FSTL4: variants seen among roughly 807,000 people sequenced by gnomAD.
FSTL4 encodes follistatin like 4, also known as follistatin-related protein 4.
Under a neutral mutation model 78.2 loss-of-function variants are expected in FSTL4, and 28 were observed. That is an observed-to-expected ratio of 0.36 (90% CI 0.27 to 0.49). The LOEUF (loss-of-function observed/expected upper bound fraction) is 0.49. FSTL4 is among the 20% of genes least tolerant of loss of function. FSTL4 has a pLI of 0.98. For missense variants in FSTL4, 922 were observed against 1,084.9 expected, an observed-to-expected ratio of 0.85 and a Z score of 2.11; for synonymous variants, 422 against 440.5, an observed-to-expected ratio of 0.96 and a Z score of 0.53.
At chr5:133,797,000 CA>C in the FSTL4 span, among the ~76,000 whole-genome samples, 1 of 152,164 alleles carries the variant, frequency 6.6e-6, no homozygotes. Flanking sequence ...CAGGAATCCT[CA>C]GTCCCCTTTA....
At chr5:133,763,508 G>T in the FSTL4 span, among the ~76,000 whole-genome samples, 28 of 152,210 alleles carry the variant, frequency 1.8e-4, no homozygotes, top group African/African-American at 6.5e-4. Flanking sequence ...GCCCCTCTGA[G>T]CCTCCTCCAT....
the FSTL4 span, among the ~76,000 whole-genome samples, chr5:133,711,308 G>A: frequency 6.6e-6 from 1 of 152,184 alleles, no homozygotes; most frequent in Non-Finnish European, 1.5e-5. Flanking sequence ...GAGGCTAGAT[G>A]GAAACCCAGC....
intron 3 of FSTL4, among the ~76,000 whole-genome samples, chr5:133,518,030 C>A (rs1189553777): frequency 6.6e-6 from 1 of 152,152 alleles, no homozygotes; most frequent in Non-Finnish European, 1.5e-5. Flanking sequence ...AATGTCTGAC[C>A]AAATATTTAG....
intron 4 of FSTL4, among the ~76,000 whole-genome samples, chr5:133,317,307 C>T (rs977100243): frequency 2.0e-5 from 3 of 152,232 alleles, no homozygotes; most frequent in African/African-American, 4.8e-5. Flanking sequence ...GGAAGTAAAG[C>T]CTGGGATGCA....
At chr5:133,232,722 C>A (rs903116228) in intron 8 of FSTL4, among the ~76,000 whole-genome samples, 2 of 152,182 alleles carry the variant, frequency 1.3e-5, no homozygotes, top group African/African-American at 4.8e-5. Flanking sequence ...TTTAGCAAAT[C>A]ATCCATGAAC....
chr5:133,692,842 C>T, the FSTL4 span, among the ~76,000 whole-genome samples: 1 of 152,218 alleles, frequency 6.6e-6, no homozygotes, highest in African/African-American at 2.4e-5. Context: ...CCAAATATCA[C>T]TTCCTCAGGG....
At chr5:133,676,207 T>C in the FSTL4 span, among the ~76,000 whole-genome samples, 1 of 152,228 alleles carries the variant, frequency 6.6e-6, no homozygotes. Context: ...TTAAGAATTT[T>C]TAAAAAGAAG....
rs146324470 is a variant in FSTL4, at chr5:133,316,535, C to T, written c.527G>A (p.Arg176His). Residue 176 changes from arginine (R) to histidine (H), a missense_variant, in exon 5 of 16, where the codon CGC becomes CAC. Arg to His is a conservative substitution (Grantham distance 29). Coordinates refer to ENST00000265342, the MANE Select transcript of FSTL4 (RefSeq NM_015082.2). ...DSRQDPASQK[R>H]LLVESLFRDL... is the part of the protein sequence containing the mutation. ...CCTGAACAGAGATTCCACCAGGAGG[C>T]GCTTCTGGGAGGCAGGGTCTTGTCT... The T allele has an allele frequency of 4.8e-5, 78 of 1,613,910 alleles. No homozygotes were observed. Among genetic ancestry groups the T allele is most frequent in the Non-Finnish European group, 6.0e-5 (71 of 1,179,920 alleles).
intron 4 of FSTL4, among the ~76,000 whole-genome samples, chr5:133,389,110 A>G (rs1755776966): frequency 6.6e-6 from 1 of 152,090 alleles, no homozygotes; most frequent in African/African-American, 2.4e-5. Context: ...TTGCATTGGG[A>G]GTAGAACACA....
chr5:133,583,160 C>T (rs1159389195), intron 2 of FSTL4: 1 of 432,868 alleles, frequency 2.3e-6, no homozygotes. Context: ...AGTCAGCAAA[C>T]ACCAGCACAT....
At chr5:133,442,003 G>C (rs778336372) in intron 3 of FSTL4, among the ~76,000 whole-genome samples, 16 of 152,206 alleles carry the variant, frequency 1.1e-4, no homozygotes, top group Non-Finnish European at 1.9e-4. Context: ...GGCTGGTAGG[G>C]ACAGCCCCTG....
In FSTL4 at chr5:133,516,910, T is replaced by C. The variant is rs187708412; in HGVS notation, c.160+50276A>G. Among the ~76,000 whole-genome samples the C allele has an allele frequency of 1.6e-4, 24 of 152,236 alleles. No individual in the cohort carries two copies. The East Asian group carries it at 4.6e-3, about 29-fold the overall frequency. On this transcript the variant is annotated intron_variant, in intron 3 of 15. Transcript: ENST00000265342. Reference sequence around the variant, plus strand: ...AACAATTAGTTAACCACATGGAAGATAATTAAATCAAATCTCTGCCTCTCT... The same window carrying C: ...AACAATTAGTTAACCACATGGAAGACAATTAAATCAAATCTCTGCCTCTCT...
the FSTL4 span, among the ~76,000 whole-genome samples, chr5:133,700,347 C>A: frequency 1.3e-5 from 2 of 151,414 alleles, no homozygotes; most frequent in Non-Finnish European, 2.9e-5. Context: ...CCACACCAAA[C>A]CATCACACCA....
upstream of FSTL4, among the ~76,000 whole-genome samples, chr5:133,616,346 T>TATCTATCTATCTATC (rs1485747614): frequency 2.0e-5 from 3 of 151,820 alleles, no homozygotes; most frequent in African/African-American, 7.3e-5. Context: ...TCTATCTATC[T>TATCTATCTATCTATC]ATCTATCTAA....
chr5:133,563,942 A>G (rs1214517046), intron 3 of FSTL4, among the ~76,000 whole-genome samples: 1 of 152,178 alleles, frequency 6.6e-6, no homozygotes, highest in African/African-American at 2.4e-5. Context: ...ACCATAATAA[A>G]CCACAAACTA....
the FSTL4 span, among the ~76,000 whole-genome samples, chr5:133,627,673 ATG>A: frequency 6.6e-6 from 1 of 152,210 alleles, no homozygotes; most frequent in Admixed American, 6.5e-5. Flanking sequence ...TAGCAGGATT[ATG>A]TTTTTTAATC....
At chr5:133,747,814 G>C in the FSTL4 span, among the ~76,000 whole-genome samples, 2 of 152,180 alleles carry the variant, frequency 1.3e-5, no homozygotes, top group African/African-American at 4.8e-5. Context: ...GAGTGGGGCT[G>C]GTGTTGGACT....
At chr5:133,677,309 G>A in the FSTL4 span, among the ~76,000 whole-genome samples, 2 of 152,202 alleles carry the variant, frequency 1.3e-5, no homozygotes, top group Non-Finnish European at 2.9e-5. Flanking sequence ...AGGTCATTTA[G>A]CTGGATTCCA....
At chr5:133,223,780 CTCAA>C (rs1193892302) in intron 11 of FSTL4, among the ~76,000 whole-genome samples, 3 of 152,020 alleles carry the variant, frequency 2.0e-5, no homozygotes, top group African/African-American at 2.4e-5. Context: ...TCGGGTTTTC[CTCAA>C]TCAAAGCATA....
Sources: gnomAD v4.1 joint callset for allele counts (sites outside exome capture counted in the v4.1 genomes callset) on GRCh38, gnomAD v4.1.1 for gene constraint, MANE v1.5 for transcripts, NCBI Gene and HGNC (gene_info 2026-07-23, HGNC 2026-07-21) for gene names.